The following ABCC4 variants were observed in gnomAD, a reference collection of about 807,000 sequenced individuals.
The protein encoded by ABCC4 is ATP-binding cassette sub-family C member 4.
Under a neutral mutation model 168.5 loss-of-function variants are expected in ABCC4, and 102 were observed. The observed-to-expected ratio is 0.61, with a 90% CI of 0.52 to 0.71. The LOEUF (loss-of-function observed/expected upper bound fraction) is 0.71. Among genes scored for constraint, ABCC4 ranks in the 30% least tolerant of loss-of-function variants. The pLI is 0.00. For missense variants in ABCC4, 1,402 were observed against 1,605.8 expected (o/e 0.87, Z 2.17); for synonymous variants, 617 against 590.7 (o/e 1.04, Z -0.65).
intron 3 of ABCC4, among the ~76,000 whole-genome samples, chr13:95,243,869 G>C (rs2040010658): frequency 6.7e-6 from 1 of 150,106 alleles, no homozygotes; most frequent in African/African-American, 2.5e-5. Flanking sequence ...CTGAGTGACA[G>C]AGTGAGACCC....
At chr13:95,202,251 T>C (rs1198818697) in intron 8 of ABCC4, among the ~76,000 whole-genome samples, 2 of 152,098 alleles carry the variant, frequency 1.3e-5, no homozygotes, top group Non-Finnish European at 2.9e-5. Context: ...CTTCCCAGGG[T>C]CTCTGGCCTG....
chr13:95,224,203 CAA>C (rs1265372003), intron 4 of ABCC4, among the ~76,000 whole-genome samples: 12 of 119,288 alleles, frequency 1.0e-4, no homozygotes, highest in Non-Finnish European at 1.1e-4. Flanking sequence ...AAAATCAACC[CAA>C]AAAAAAAAAA....
intron 20 of ABCC4, among the ~76,000 whole-genome samples, chr13:95,111,987 C>T (rs2035219042): frequency 6.6e-6 from 1 of 152,270 alleles, no homozygotes; most frequent in South Asian, 2.1e-4. Flanking sequence ...TTCCAGACTC[C>T]TACTTACAAA....
chr13:95,071,508 G>C (rs1458194688), intron 25 of ABCC4, among the ~76,000 whole-genome samples, 154 bp downstream of exon 25: 1 of 152,168 alleles, frequency 6.6e-6, no homozygotes, highest in Non-Finnish European at 1.5e-5. Context: ...GTTCACAGCA[G>C]GAAGAATGTT....
At chr13:95,157,625 C>T (rs1191109453) in intron 19 of ABCC4, among the ~76,000 whole-genome samples, 5 of 152,118 alleles carry the variant, frequency 3.3e-5, no homozygotes, top group Non-Finnish European at 7.4e-5. Flanking sequence ...TTTTATCCTG[C>T]TAGCTTAAGA....
intron 20 of ABCC4, among the ~76,000 whole-genome samples, chr13:95,087,502 C>A (rs2139342691): frequency 6.6e-6 from 1 of 152,180 alleles, no homozygotes; most frequent in South Asian, 2.1e-4. Flanking sequence ...AAAAATAAAA[C>A]CTACTTCTCA....
chr13:95,070,584 T>C (rs1199457717), intron 25 of ABCC4, among the ~76,000 whole-genome samples: 1 of 152,138 alleles, frequency 6.6e-6, no homozygotes, highest in African/African-American at 2.4e-5. Context: ...CCCAAGTCCC[T>C]CCTTGTTTTC....
chr13:95,157,138 AC>A (rs149256750), intron 19 of ABCC4, among the ~76,000 whole-genome samples: 12,196 of 150,394 alleles, frequency 0.081, 617 homozygotes, highest in African/African-American at 0.13. Context: ...ACAAACAGTC[AC>A]CATTTGTCCA....
In ABCC4 at chr13:95,290,144, A is replaced by ATAGG. The variant is rs1260723411; in HGVS notation, c.74+11096_74+11097insCCTA. Among the ~76,000 whole-genome samples, 627 of 151,354 alleles carry ATAGG rather than the reference A, an allele frequency of 4.1e-3. 12 individuals carry two copies. The highest frequency in any genetic ancestry group is 0.014 in the African/African-American group (572 of 40,912). Reference sequence around the variant, plus strand: ...GATAGATAGATAGATAGATAGATAGATAGATGATAGATAGATAGATGCGTG... The same window carrying ATAGG: ...GATAGATAGATAGATAGATAGATAGATAGGTAGATGATAGATAGATAGATGCGTG... On this transcript the variant is annotated intron_variant, in intron 1 of 30. Transcript: ENST00000645237.
chr13:95,273,824 T>TTG (rs2040904479), intron 1 of ABCC4, among the ~76,000 whole-genome samples: 1 of 150,310 alleles, frequency 6.7e-6, no homozygotes. Flanking sequence ...TTGTTTTTTT[T>TTG]TTTTTTTTTT....
intron 30 of ABCC4, among the ~76,000 whole-genome samples, chr13:95,031,185 A>G (rs760040355): frequency 6.6e-6 from 1 of 152,262 alleles, no homozygotes; most frequent in Non-Finnish European, 1.5e-5. Flanking sequence ...GACCAAGTGT[A>G]TGCAGAAATG....
chr13:95,062,108 G>GTCT (rs1410188415), intron 26 of ABCC4, among the ~76,000 whole-genome samples: 1 of 152,116 alleles, frequency 6.6e-6, no homozygotes, highest in Non-Finnish European at 1.5e-5. Flanking sequence ...AATGGTGATC[G>GTCT]TAAGGAAGAT....
chr13:95,217,154 G>C (rs4148463), intron 4 of ABCC4, among the ~76,000 whole-genome samples: 113,414 of 152,136 alleles, frequency 0.75, 43,082 homozygotes, highest in Non-Finnish European at 0.84. Context: ...CAAGAAAACT[G>C]TACTATCTAG....
intron 1 of ABCC4, among the ~76,000 whole-genome samples, chr13:95,288,450 G>A (rs539857093): frequency 8.5e-5 from 13 of 152,262 alleles, no homozygotes; most frequent in South Asian, 8.3e-4. Flanking sequence ...TAAAAAAGTC[G>A]CAAATGAGTC....
chr13:95,025,224 CA>C, intron 30 of ABCC4, among the ~76,000 whole-genome samples: 1 of 38,494 alleles, frequency 2.6e-5, no homozygotes, highest in East Asian at 9.2e-4. Flanking sequence ...CACACACCCC[CA>C]CACACACCCA....
chr13:95,218,951 AAG>A (rs1374576889), intron 4 of ABCC4, among the ~76,000 whole-genome samples: 6 of 37,210 alleles, frequency 1.6e-4, no homozygotes, highest in Non-Finnish European at 2.4e-4. Flanking sequence ...GAAAGAAAGA[AAG>A]AAAGAAAGAA....
In ABCC4 at chr13:95,271,765, C is replaced by T. The variant is rs79966829; in HGVS notation, c.75-24012G>A. 6.7e-3 allele frequency among the ~76,000 whole-genome samples: 1,025 copies of T among 152,234 alleles called. 63 individuals carry two copies. In the East Asian group the frequency reaches 0.15, roughly 22 times the overall value. ...AACAGAAACAGAGCACGCAGCGTGA[C>T]ATAGCTCTGCACGAAACTGGAAGGA... is the stretch of plus-strand genomic sequence containing the variant. On this transcript the variant is annotated intron_variant, in intron 1 of 30. Transcript: ENST00000645237.
chr13:95,245,329 C>G (rs1407822797), intron 3 of ABCC4, among the ~76,000 whole-genome samples: 1 of 152,246 alleles, frequency 6.6e-6, no homozygotes, highest in Non-Finnish European at 1.5e-5. Flanking sequence ...TACACCTAAC[C>G]AGACACCTGG....
chr13:95,119,107 A>C (rs777332240), intron 19 of ABCC4, among the ~76,000 whole-genome samples: 1 of 152,190 alleles, frequency 6.6e-6, no homozygotes, highest in African/African-American at 2.4e-5. Flanking sequence ...TGCATATCTC[A>C]GGGTCAGGAT....
Sources: gnomAD v4.1 joint callset for allele counts (sites outside exome capture counted in the v4.1 genomes callset) on GRCh38, gnomAD v4.1.1 for gene constraint, MANE v1.5 for transcripts, NCBI Gene and HGNC (gene_info 2026-07-23, HGNC 2026-07-21) for gene names.